CPQ: variants seen among roughly 807,000 people sequenced by gnomAD.
CPQ encodes the protein Ser-Met dipeptidase.
In CPQ, 37 loss-of-function variants were observed where a neutral mutation model predicts 45.7. That is an observed-to-expected ratio of 0.81 (90% CI 0.62 to 1.07). CPQ has a LOEUF of 1.07. Among genes scored for constraint, CPQ ranks in the 50% least tolerant of loss-of-function variants. The pLI is 0.00. For synonymous variants in CPQ, 186 were observed against 205.8 expected (o/e 0.90, Z 0.82); for missense variants, 537 against 572.9 (o/e 0.94, Z 0.64).
At chr8:96,915,069 C>G (rs989509205) in intron 4 of CPQ, among the ~76,000 whole-genome samples, 4 of 152,274 alleles carry the variant, frequency 2.6e-5, no homozygotes, top group Non-Finnish European at 4.4e-5. Flanking sequence ...ACCTGCCTCA[C>G]ATGACTGGAA....
At chr8:96,851,189 T>A (rs1811766505) in intron 3 of CPQ, among the ~76,000 whole-genome samples, 2 of 152,082 alleles carry the variant, frequency 1.3e-5, no homozygotes, top group Non-Finnish European at 1.5e-5. Context: ...GAAAAAAAGG[T>A]TTTTGATTAT....
intron 7 of CPQ, among the ~76,000 whole-genome samples, chr8:97,087,739 T>C (rs1189773873): frequency 6.6e-6 from 1 of 152,192 alleles, no homozygotes; most frequent in African/African-American, 2.4e-5. Flanking sequence ...TTTCACAGTA[T>C]GAATGTTGAA....
In CPQ at chr8:96,923,636, T is replaced by G. The variant is rs546749324; in HGVS notation, c.850-42299T>G. ...GCCCCAATTACATGCATGTGAAGCA[T>G]ATTCTCAAAGCACCATTTCCCTGGC... On this transcript the variant is annotated intron_variant, in intron 4 of 7. Coordinates refer to ENST00000220763, the MANE Select transcript of CPQ (RefSeq NM_016134.4). Among the ~76,000 whole-genome samples the G allele has an allele frequency of 2.0e-5, 3 of 152,280 alleles. No homozygotes were observed. In the South Asian group the frequency reaches 6.2e-4, roughly 32 times the overall value.
intron 1 of CPQ, among the ~76,000 whole-genome samples, chr8:96,761,878 A>G (rs1331840683): frequency 3.3e-5 from 5 of 152,194 alleles, no homozygotes; most frequent in African/African-American, 1.2e-4. Flanking sequence ...TGACCTTCCT[A>G]ACCATTTTGC....
chr8:97,076,015 G>GTTGT (rs749971200), intron 7 of CPQ, among the ~76,000 whole-genome samples: 34 of 151,942 alleles, frequency 2.2e-4, no homozygotes, highest in Non-Finnish European at 4.0e-4. Context: ...TTTTGTTTTT[G>GTTGT]TTGTTTGTTT....
chr8:97,092,341 G>C (rs1811140617), intron 7 of CPQ: 1 of 152,128 alleles, frequency 6.6e-6, no homozygotes, highest in Admixed American at 6.6e-5. Flanking sequence ...GATTTGAGGT[G>C]ATGCATTCCT....
intron 1 of CPQ, among the ~76,000 whole-genome samples, chr8:96,722,751 T>C (rs560079607): frequency 6.6e-5 from 10 of 152,300 alleles, no homozygotes; most frequent in African/African-American, 2.4e-4. Context: ...AATTTTCCAG[T>C]GTACTCCTCT....
At chr8:96,771,345 A>G (rs1203664069) in intron 1 of CPQ, among the ~76,000 whole-genome samples, 1 of 151,810 alleles carries the variant, frequency 6.6e-6, no homozygotes, top group Non-Finnish European at 1.5e-5. Flanking sequence ...GGTACAATCT[A>G]TAGACTTTAT....
At chr8:96,769,046 G>A (rs1810506319) in intron 1 of CPQ, among the ~76,000 whole-genome samples, 1 of 152,094 alleles carries the variant, frequency 6.6e-6, no homozygotes, top group South Asian at 2.1e-4. Context: ...ATAGTTTTCT[G>A]CAGCAGAATC....
At chr8:97,128,393 CTT>C (rs905653495) in intron 7 of CPQ, among the ~76,000 whole-genome samples, 17 of 152,280 alleles carry the variant, frequency 1.1e-4, no homozygotes, top group Non-Finnish European at 2.4e-4. Flanking sequence ...TTGCTTAAAA[CTT>C]TCTCCTTGGC....
chr8:96,714,590 T>A (rs1809652458), intron 1 of CPQ, among the ~76,000 whole-genome samples: 1 of 152,124 alleles, frequency 6.6e-6, no homozygotes, highest in Non-Finnish European at 1.5e-5. Context: ...TTCTCTTATA[T>A]CTCCTCAAGT....
intron 6 of CPQ, among the ~76,000 whole-genome samples, chr8:97,038,958 T>C (rs1810056721): frequency 6.6e-6 from 1 of 152,160 alleles, no homozygotes; most frequent in Non-Finnish European, 1.5e-5. Flanking sequence ...GTCACAGCTT[T>C]TAGTGAAAGA....
chr8:96,918,732 A>G (rs1812765528), intron 4 of CPQ, among the ~76,000 whole-genome samples: 1 of 151,940 alleles, frequency 6.6e-6, no homozygotes, highest in African/African-American at 2.4e-5. Context: ...CTCACCTTCC[A>G]CTGTGCCCAG....
intron 7 of CPQ, among the ~76,000 whole-genome samples, chr8:97,106,010 A>T (rs535000908): frequency 2.3e-3 from 345 of 152,264 alleles, no homozygotes; most frequent in African/African-American, 7.7e-3. Flanking sequence ...CCGATACTTT[A>T]CAGAATTTTA....
chr8:96,991,389 C>T (rs945133088), intron 5 of CPQ, among the ~76,000 whole-genome samples: 4 of 151,850 alleles, frequency 2.6e-5, no homozygotes, highest in Non-Finnish European at 5.9e-5. Flanking sequence ...AAACCCCATC[C>T]TACTAAACAT....
intron 5 of CPQ, among the ~76,000 whole-genome samples, chr8:96,983,174 G>A (rs1314760645): frequency 1.3e-5 from 2 of 152,052 alleles, no homozygotes; most frequent in African/African-American, 4.8e-5. Flanking sequence ...TAGTTTTTGT[G>A]ATTTTGAATT....
chr8:96,872,545 T>C (rs953011675), intron 3 of CPQ, among the ~76,000 whole-genome samples: 10 of 152,062 alleles, frequency 6.6e-5, no homozygotes, highest in Admixed American at 4.6e-4. Context: ...GAGAGAAAAT[T>C]CTTAATATTT....
chr8:97,087,213 T>C (rs1425138145), intron 7 of CPQ, among the ~76,000 whole-genome samples: 1 of 152,196 alleles, frequency 6.6e-6, no homozygotes, highest in Non-Finnish European at 1.5e-5. Context: ...GAGCATTCTG[T>C]GCGAAAGACT....
intron 1 of CPQ, among the ~76,000 whole-genome samples, chr8:96,653,476 GGCTTAGCGGT>G (rs1743282994): frequency 6.6e-6 from 1 of 152,086 alleles, no homozygotes; most frequent in Admixed American, 6.5e-5. Flanking sequence ...AGCAATGCGG[GGCTTAGCGGT>G]GCTGACTCCC....
Sources: gnomAD v4.1 joint callset for allele counts (sites outside exome capture counted in the v4.1 genomes callset) on GRCh38, gnomAD v4.1.1 for gene constraint, MANE v1.5 for transcripts, NCBI Gene and HGNC (gene_info 2026-07-23, HGNC 2026-07-21) for gene names.